The following CEP63 variants were observed in gnomAD, a reference collection of about 807,000 sequenced individuals.
CEP63 encodes centrosomal protein of 63 kDa.
Under a neutral mutation model 89.1 loss-of-function variants are expected in CEP63, and 84 were observed. The ratio of observed to expected loss-of-function variants is 0.94; its 90% CI spans 0.79 to 1.13. The LOEUF (loss-of-function observed/expected upper bound fraction) is 1.13, where lower values mean the gene tolerates loss of function less well. CEP63 is among the 50% of genes most tolerant of loss of function. The pLI is 0.00. For synonymous variants in CEP63, 267 were observed against 272.5 expected (o/e 0.98, Z 0.20); for missense variants, 838 against 813.3 (o/e 1.03, Z -0.37).
the CEP63 span, among the ~76,000 whole-genome samples, chr3:134,613,985 G>A: frequency 2.0e-5 from 3 of 152,060 alleles, no homozygotes; most frequent in African/African-American, 4.8e-5. Flanking sequence ...ACCATACAAC[G>A]CAACACAATG....
chr3:134,538,485 T>A (rs1951237796), intron 6 of CEP63, among the ~76,000 whole-genome samples: 1 of 136,490 alleles, frequency 7.3e-6, no homozygotes, highest in Non-Finnish European at 1.6e-5. Context: ...TTTTTTTGAC[T>A]TGAATGCCAA....
chr3:134,545,892 A>G, intron 7 of CEP63, 73 bp downstream of exon 7: 1 of 1,123,478 alleles, frequency 8.9e-7, no homozygotes, highest in Non-Finnish European at 1.3e-6. Context: ...TTAAGCTAGA[A>G]CTAGGTTCTA....
At chr3:134,732,899 G>C in the CEP63 span, among the ~76,000 whole-genome samples, 2 of 152,128 alleles carry the variant, frequency 1.3e-5, no homozygotes, top group African/African-American at 4.8e-5. Context: ...GAAAAGGAGA[G>C]ACTCCTAAGT....
the CEP63 span, among the ~76,000 whole-genome samples, chr3:134,645,549 C>G: frequency 3.9e-5 from 6 of 152,210 alleles, no homozygotes; most frequent in Non-Finnish European, 8.8e-5. Context: ...CTCAGAATCT[C>G]GACATCAGAA....
At chr3:134,668,264 G>A in the CEP63 span, among the ~76,000 whole-genome samples, 1 of 152,204 alleles carries the variant, frequency 6.6e-6, no homozygotes, top group African/African-American at 2.4e-5. Flanking sequence ...GCTGCCTGTA[G>A]AACTGTGTAA....
At chr3:134,632,911 C>G in the CEP63 span, among the ~76,000 whole-genome samples, 1 of 151,824 alleles carries the variant, frequency 6.6e-6, no homozygotes, top group African/African-American at 2.4e-5. Flanking sequence ...ACACCAATAT[C>G]AGGAATGAAA....
At chr3:134,694,245 C>A in the CEP63 span, among the ~76,000 whole-genome samples, 1 of 152,216 alleles carries the variant, frequency 6.6e-6, no homozygotes, top group African/African-American at 2.4e-5. Context: ...CTCAATGCTG[C>A]AGCTGCACGC....
At chr3:134,684,515 C>T in the CEP63 span, among the ~76,000 whole-genome samples, 6 of 152,332 alleles carry the variant, frequency 3.9e-5, no homozygotes, top group African/African-American at 1.2e-4. Context: ...TTCCTGCCAT[C>T]GCAAGGACGC....
chr3:134,761,751 C>G, the CEP63 span, among the ~76,000 whole-genome samples: 12 of 151,994 alleles, frequency 7.9e-5, no homozygotes, highest in African/African-American at 2.9e-4. Flanking sequence ...CTCTCTCTCT[C>G]CCCCCTGAAT....
the CEP63 span, among the ~76,000 whole-genome samples, chr3:134,776,529 T>C: frequency 1.3e-5 from 2 of 152,220 alleles, no homozygotes; most frequent in East Asian, 3.9e-4. Context: ...GCATTGTGTG[T>C]GTGAACAGAG....
At chr3:134,527,511 G>A (rs188151499) in intron 3 of CEP63, among the ~76,000 whole-genome samples, 203 of 152,272 alleles carry the variant, frequency 1.3e-3, no homozygotes, top group Non-Finnish European at 2.7e-3. Flanking sequence ...CTGCACTCCC[G>A]CCACAGCAGT....
chr3:134,654,779 A>G, the CEP63 span, among the ~76,000 whole-genome samples: 3 of 152,176 alleles, frequency 2.0e-5, no homozygotes, highest in African/African-American at 7.2e-5. Flanking sequence ...GTGGTTTCAC[A>G]GTTGGAGGGC....
At chr3:134,637,542 C>T in the CEP63 span, among the ~76,000 whole-genome samples, 1 of 152,328 alleles carries the variant, frequency 6.6e-6, no homozygotes, top group South Asian at 2.1e-4. Context: ...TTGGAAAATG[C>T]TGGACTGGAA....
intron 14 of CEP63, 131 bp from the exon 15 acceptor site, chr3:134,561,246 A>G: frequency 1.0e-6 from 1 of 967,448 alleles, no homozygotes; most frequent in East Asian, 2.6e-5. Context: ...TTAGGATGAA[A>G]ACCAAAAAAG....
At chr3:134,712,346 C>T in the CEP63 span, among the ~76,000 whole-genome samples, 1 of 151,732 alleles carries the variant, frequency 6.6e-6, no homozygotes, top group Non-Finnish European at 1.5e-5. Flanking sequence ...TTTTAGAACT[C>T]CTGAATTAAT....
At chr3:134,526,923 G>T (rs1342666252) in intron 3 of CEP63, among the ~76,000 whole-genome samples, 1 of 152,028 alleles carries the variant, frequency 6.6e-6, no homozygotes, top group Non-Finnish European at 1.5e-5. Context: ...ACTCTGGGGG[G>T]GCTCGTATTG....
At chr3:134,634,200 A>T in the CEP63 span, among the ~76,000 whole-genome samples, 5 of 152,368 alleles carry the variant, frequency 3.3e-5, no homozygotes, top group East Asian at 9.6e-4. Flanking sequence ...ATTGATCTAC[A>T]GATTTAATGC....
the CEP63 span, chr3:134,604,260 G>A: frequency 6.2e-7 from 1 of 1,613,948 alleles, no homozygotes; most frequent in Non-Finnish European, 8.5e-7. Context: ...CCACATAATT[G>A]CACTTGAGCG....
intron 3 of CEP63, among the ~76,000 whole-genome samples, chr3:134,519,349 G>C (rs1946939107): frequency 6.6e-6 from 1 of 151,572 alleles, no homozygotes. Context: ...GGTCAGGCTG[G>C]TCTCAAACTT....
Sources: gnomAD v4.1 joint callset for allele counts (sites outside exome capture counted in the v4.1 genomes callset) on GRCh38, gnomAD v4.1.1 for gene constraint, MANE v1.5 for transcripts, NCBI Gene and HGNC (gene_info 2026-07-23, HGNC 2026-07-21) for gene names.